The following DLGAP2 variants were observed in gnomAD, a reference collection of about 807,000 sequenced individuals.
The protein encoded by DLGAP2 is disks large-associated protein 2.
In DLGAP2, 26 loss-of-function variants were observed where a neutral mutation model predicts 100.3. That is an observed-to-expected ratio of 0.26 (90% CI 0.19 to 0.36). DLGAP2 has a LOEUF of 0.36. Among genes scored for constraint, DLGAP2 ranks in the 10% least tolerant of loss-of-function variants. The pLI is 1.00. For synonymous variants in DLGAP2, 886 were observed against 630.1 expected, an observed-to-expected ratio of 1.41 and a Z score of -6.08; for missense variants, 1,858 against 1,453.2, an observed-to-expected ratio of 1.28 and a Z score of -4.53.
At chr8:815,827 C>T (rs1254038538) in intron 1 of DLGAP2, among the ~76,000 whole-genome samples, 1 of 152,052 alleles carries the variant, frequency 6.6e-6, no homozygotes, top group Non-Finnish European at 1.5e-5. Context: ...AGCATGTGTT[C>T]TCATTCATCT....
At position 1,549,002 on chromosome 8, in the gene DLGAP2, C is replaced by T. The variant is rs1296183027; in HGVS notation, c.549C>T (p.Ala183=). The change falls in exon 5 of 15, where the codon GCC becomes GCT. Residue 183 remains alanine (A), a synonymous_variant. Transcript: ENST00000637795. ...ACTGCGCTGTGGCCCACGCGGGCGC[C>T]AAGATCAACCGCATCCCGGCCAACC... The part of the protein sequence containing the change: ...RDDCAVAHAG[A]KINRIPANLL... 2 of 1,598,952 alleles carry T rather than the reference C, an allele frequency of 1.3e-6. No individual in the cohort carries two copies. Among genetic ancestry groups the T allele is most frequent in the African/African-American group, 2.7e-5 (2 of 74,904 alleles).
At chr8:1,018,671 A>C (rs896664855) in intron 2 of DLGAP2, 1 of 152,272 alleles carries the variant, frequency 6.6e-6, no homozygotes, top group Non-Finnish European at 1.5e-5. Context: ...TATTTAAACA[A>C]AGTTCATACT....
chr8:1,057,523 G>A (rs1291867609), intron 2 of DLGAP2, among the ~76,000 whole-genome samples: 1 of 152,150 alleles, frequency 6.6e-6, no homozygotes, highest in African/African-American at 2.4e-5. Context: ...CTCTTCGTTT[G>A]TTGTCTCTCT....
chr8:1,025,101 CGTGTATGTGTGTGCGTGCATGTGCGT>C (rs1801755599), intron 2 of DLGAP2, among the ~76,000 whole-genome samples: 1 of 151,182 alleles, frequency 6.6e-6, no homozygotes, highest in South Asian at 2.1e-4. Context: ...TATGTGTGTG[CGTGTATGTGTGTGCGTGCATGTGCGT>C]GTGCATGTGT....
chr8:1,496,969 C>G (rs190865596), intron 3 of DLGAP2, among the ~76,000 whole-genome samples: 195 of 152,038 alleles, frequency 1.3e-3, no homozygotes, highest in Non-Finnish European at 1.9e-3. Context: ...TTTACATGGT[C>G]TCCAGTCACA....
chr8:1,479,648 C>G (rs920203857), intron 3 of DLGAP2, among the ~76,000 whole-genome samples: 1 of 152,104 alleles, frequency 6.6e-6, no homozygotes, highest in Non-Finnish European at 1.5e-5. Flanking sequence ...GTGAGTCATT[C>G]ATTTCTGTGT....
intron 6 of DLGAP2, among the ~76,000 whole-genome samples, chr8:1,600,133 C>G (rs1796580279): frequency 6.6e-6 from 1 of 152,100 alleles, no homozygotes; most frequent in Admixed American, 6.6e-5. Context: ...ACTTATGAAG[C>G]TTAGTTTGGC....
At chr8:842,779 A>G (rs1166346703) in intron 1 of DLGAP2, among the ~76,000 whole-genome samples, 1 of 151,618 alleles carries the variant, frequency 6.6e-6, no homozygotes, top group Non-Finnish European at 1.5e-5. Flanking sequence ...ATCATTTGTG[A>G]TTATTCATTC....
intron 2 of DLGAP2, among the ~76,000 whole-genome samples, chr8:998,995 G>C (rs925337275): frequency 5.3e-5 from 8 of 152,164 alleles, no homozygotes; most frequent in African/African-American, 1.4e-4. Flanking sequence ...GTTACCTGTA[G>C]AATCCTGAGA....
At chr8:1,623,663 ACACCAGTGTGTGATGACCTGG>A (rs1797414704) in intron 6 of DLGAP2, among the ~76,000 whole-genome samples, 10 of 150,466 alleles carry the variant, frequency 6.6e-5, no homozygotes, top group Admixed American at 6.6e-4. Flanking sequence ...TGATGACCTG[ACACCAGTGTGTGATGACCTGG>A]CACCAGTGCA....
chr8:860,396 G>A (rs1455128003), intron 1 of DLGAP2, among the ~76,000 whole-genome samples: 1 of 152,190 alleles, frequency 6.6e-6, no homozygotes, highest in African/African-American at 2.4e-5. Flanking sequence ...AAACAGCCCT[G>A]GGCTCCAGAA....
In DLGAP2 at chr8:1,211,187, G is replaced by A. The variant is rs115431254; in HGVS notation, c.74-47664G>A. ...GGCTGCGTTCAGCACAACATTCTCA[G>A]GGGCCACCGACCTGCGGATCCTCCC... is the stretch of plus-strand genomic sequence containing the variant. On this transcript the variant is annotated intron_variant, in intron 2 of 14. Transcript: ENST00000637795. Among the ~76,000 whole-genome samples the A allele has an allele frequency of 8.1e-3, 1,237 of 152,330 alleles. 23 individuals carry two copies. The highest frequency in any genetic ancestry group is 0.028 in the African/African-American group (1,178 of 41,566).
intron 3 of DLGAP2, chr8:1,262,415 A>G (rs1799370040): frequency 1.3e-5 from 2 of 152,218 alleles, no homozygotes; most frequent in African/African-American, 4.8e-5. Flanking sequence ...TCCTACCAAG[A>G]AGATACAGAC....
At chr8:1,041,170 A>G (rs908621395) in intron 2 of DLGAP2, among the ~76,000 whole-genome samples, 2 of 152,114 alleles carry the variant, frequency 1.3e-5, no homozygotes, top group Non-Finnish European at 2.9e-5. Context: ...TAATAGCAGG[A>G]TTATGTAAAT....
At chr8:1,327,430 G>T (rs1801046703) in intron 3 of DLGAP2, among the ~76,000 whole-genome samples, 1 of 152,176 alleles carries the variant, frequency 6.6e-6, no homozygotes, top group Non-Finnish European at 1.5e-5. Flanking sequence ...CTCTTCCTTT[G>T]TCTTTTATTG....
At chr8:913,073 A>G (rs1302502439) in intron 2 of DLGAP2, among the ~76,000 whole-genome samples, 2 of 152,174 alleles carry the variant, frequency 1.3e-5, no homozygotes, top group Non-Finnish European at 2.9e-5. Context: ...AAAAATTTAC[A>G]TAGGTTGAGC....
chr8:1,317,846 C>T (rs1195179627), intron 3 of DLGAP2, among the ~76,000 whole-genome samples: 2 of 147,310 alleles, frequency 1.4e-5, no homozygotes, highest in African/African-American at 5.1e-5. Context: ...GGTCTACACT[C>T]GAGACACTCA....
At chr8:968,858 G>A (rs1205609737) in intron 2 of DLGAP2, among the ~76,000 whole-genome samples, 2 of 152,106 alleles carry the variant, frequency 1.3e-5, no homozygotes, top group African/African-American at 2.4e-5. Flanking sequence ...TAATGAAACC[G>A]ATGTTTTTTC....
chr8:1,528,166 T>A (rs1454949672), intron 4 of DLGAP2, among the ~76,000 whole-genome samples: 1 of 152,104 alleles, frequency 6.6e-6, no homozygotes, highest in East Asian at 1.9e-4. Context: ...AAACAGCACC[T>A]CCTCCTGGGT....
Sources: gnomAD v4.1 joint callset for allele counts (sites outside exome capture counted in the v4.1 genomes callset) on GRCh38, gnomAD v4.1.1 for gene constraint, MANE v1.5 for transcripts, NCBI Gene and HGNC (gene_info 2026-07-23, HGNC 2026-07-21) for gene names.